The following PDGFRL variants were observed in gnomAD, a reference collection of about 807,000 sequenced individuals.
PDGFRL encodes platelet derived growth factor receptor like.
In PDGFRL, 46 loss-of-function variants were observed where a neutral mutation model predicts 37.2. The ratio of observed to expected loss-of-function variants is 1.24; its 90% CI spans 0.98 to 1.58. The LOEUF is 1.58. Ranked by LOEUF, PDGFRL falls within the 40% of genes most tolerant of loss-of-function variation. The pLI is 0.00. For missense variants in PDGFRL, 692 were observed against 467.6 expected (o/e 1.48, Z -4.43); for synonymous variants, 251 against 184.3 (o/e 1.36, Z -2.93).
At chr8:17,616,112 G>A (rs993310618) in intron 2 of PDGFRL, among the ~76,000 whole-genome samples, 2 of 152,080 alleles carry the variant, frequency 1.3e-5, no homozygotes, top group African/African-American at 2.4e-5. Flanking sequence ...TGGTGGAGCT[G>A]GGATTTGAAT....
chr8:17,601,052 C>G (rs1174397129), intron 2 of PDGFRL, among the ~76,000 whole-genome samples: 1 of 152,166 alleles, frequency 6.6e-6, no homozygotes, highest in African/African-American at 2.4e-5. Flanking sequence ...TCCTTCAGTT[C>G]AGAGAATGGC....
At chr8:17,607,569 A>T (rs1804309554) in intron 2 of PDGFRL, among the ~76,000 whole-genome samples, 1 of 152,252 alleles carries the variant, frequency 6.6e-6, no homozygotes, top group African/African-American at 2.4e-5. Context: ...CACTGTAGGA[A>T]TATCACCAAC....
intron 2 of PDGFRL, among the ~76,000 whole-genome samples, chr8:17,603,045 C>T (rs1210392219): frequency 1.3e-5 from 2 of 152,158 alleles, no homozygotes; most frequent in African/African-American, 2.4e-5. Flanking sequence ...TGCAGTGGCA[C>T]GATCTCAGCT....
chr8:17,632,322 C>A (rs1027179583), intron 4 of PDGFRL, among the ~76,000 whole-genome samples: 11 of 151,774 alleles, frequency 7.2e-5, no homozygotes, highest in Admixed American at 4.6e-4. Context: ...TTTCTCCACT[C>A]CATTTTCCAC....
chr8:17,593,531 A>C (rs140204032), intron 2 of PDGFRL, among the ~76,000 whole-genome samples: 1 of 151,958 alleles, frequency 6.6e-6, no homozygotes, highest in Non-Finnish European at 1.5e-5. Flanking sequence ...CCAGGAAGTC[A>C]ACGCTGCAGT....
chr8:17,592,514 C>G (rs1343455358), intron 2 of PDGFRL, among the ~76,000 whole-genome samples: 1 of 152,178 alleles, frequency 6.6e-6, no homozygotes, highest in Non-Finnish European at 1.5e-5. Flanking sequence ...CAGTGAAGCC[C>G]TCGCTGACCT....
rs1015763053 is a variant in PDGFRL, at chr8:17,643,116, A to G, written c.*315A>G. 4 of 257,544 alleles carry G rather than the reference A, an allele frequency of 1.6e-5. No homozygotes were observed. Among genetic ancestry groups the G allele is most frequent in the African/African-American group, 9.0e-5 (4 of 44,436 alleles). The allele number at this position is 257,544 out of a possible 1,614,324, so 16.0% of individuals were successfully genotyped here. On this transcript the variant is annotated 3_prime_UTR_variant, in exon 6 of 6. Coordinates refer to ENST00000251630, the MANE Select transcript of PDGFRL (RefSeq NM_001372073.1). ...AATGAGCACGTTTTTGTAAAAAATAAAAAGTGGGATAAGTGTTTTTTAAGT... is the reference window on the plus strand; with the variant it reads ...AATGAGCACGTTTTTGTAAAAAATAGAAAGTGGGATAAGTGTTTTTTAAGT...
chr8:17,603,598 T>C (rs1271827780), intron 2 of PDGFRL, among the ~76,000 whole-genome samples: 1 of 152,170 alleles, frequency 6.6e-6, no homozygotes, highest in Non-Finnish European at 1.5e-5. Context: ...AACACTCTGT[T>C]TCTTGACTCC....
Position 17,577,440 on chromosome 8 carries a change from T to TGCCCGGTGCACCTGCCC in PDGFRL, c.55+134_55+150dup, listed in dbSNP as rs1803610639. On this transcript the variant is annotated intron_variant, in intron 1 of 5. Transcript: ENST00000251630. ...GTGGCTCAGCCCCCGCGCCACTGCC[T>TGCCCGGTGCACCTGCCC]GCCCGGTGCACCTGCCCCCTCCTGG... 7 of 748,092 alleles carry TGCCCGGTGCACCTGCCC rather than the reference T, an allele frequency of 9.4e-6. No individual in the cohort carries two copies. In the South Asian group the frequency reaches 1.1e-4, roughly 11 times the overall value. 46.3% of individuals were successfully genotyped at this position (748,092 alleles called of 1,614,324 possible).
intron 2 of PDGFRL, among the ~76,000 whole-genome samples, chr8:17,608,465 G>A (rs2129699968): frequency 6.6e-6 from 1 of 152,260 alleles, no homozygotes; most frequent in African/African-American, 2.4e-5. Context: ...CTCGTGCATT[G>A]GCACAATATA....
chr8:17,578,317 A>G (rs1803631850), intron 1 of PDGFRL, among the ~76,000 whole-genome samples: 1 of 152,172 alleles, frequency 6.6e-6, no homozygotes, highest in African/African-American at 2.4e-5. Flanking sequence ...CCACTCGTTC[A>G]TCCTGACCAG....
intron 3 of PDGFRL, among the ~76,000 whole-genome samples, chr8:17,627,322 C>G (rs754383080): frequency 1.3e-5 from 2 of 152,128 alleles, no homozygotes; most frequent in African/African-American, 2.4e-5. Flanking sequence ...TTGTGGAAAT[C>G]TAAAATCCAA....
At chr8:17,588,158 A>G (rs1803856521) in intron 1 of PDGFRL, among the ~76,000 whole-genome samples, 1 of 147,364 alleles carries the variant, frequency 6.8e-6, no homozygotes, top group East Asian at 2.0e-4. Context: ...ACTCTCAACA[A>G]TGTTGGTGAT....
rs966589949 is a variant in PDGFRL, at chr8:17,634,182, T to G, written c.908T>G (p.Val303Gly). The G allele has an allele frequency of 1.2e-6, 2 of 1,613,314 alleles. No homozygotes were observed. Among genetic ancestry groups the G allele is most frequent in the East Asian group, 4.5e-5 (2 of 44,856 alleles). ...CTVLGEPDVE[V>G]EFTWIFPGQK... Reference sequence around the variant, plus strand: ...GTCCTGGGGGAGCCCGATGTGGAGGTGGAGTTCACCTGGATCTTCCCAGGG... The same window carrying G: ...GTCCTGGGGGAGCCCGATGTGGAGGGGGAGTTCACCTGGATCTTCCCAGGG... The change falls in exon 5 of 6, where the codon GTG becomes GGG. Residue 303 changes from valine (V) to glycine (G), a missense_variant. Transcript: ENST00000251630.
chr8:17,608,303 C>G (rs975520702), intron 2 of PDGFRL, among the ~76,000 whole-genome samples: 6 of 152,162 alleles, frequency 3.9e-5, no homozygotes, highest in Admixed American at 3.9e-4. Context: ...CAGAAAGCAC[C>G]AGCTCACCCT....
Position 17,628,574 on chromosome 8 carries a change from T to G in PDGFRL, c.593T>G (p.Val198Gly), listed in dbSNP as rs1585330737. The G allele has an allele frequency of 1.2e-6, 2 of 1,614,138 alleles. No homozygotes were observed. Among genetic ancestry groups the G allele is most frequent in the Non-Finnish European group, 1.7e-6 (2 of 1,179,972 alleles). ...AGACAGGCTGTGGTTCCTTGTCGGG[T>G]GACCGTGCTGTCGGCCAAAGTCACG... The part of the protein sequence containing the change: ...PDRQAVVPCR[V>G]TVLSAKVTLH... The change falls in exon 4 of 6, where the codon GTG becomes GGG. Residue 198 changes from valine (V) to glycine (G), a missense_variant. Val to Gly is a moderately radical substitution (Grantham distance 109, BLOSUM62 -3). Coordinates refer to ENST00000251630, the MANE Select transcript of PDGFRL (RefSeq NM_001372073.1).
intron 2 of PDGFRL, among the ~76,000 whole-genome samples, chr8:17,593,717 A>G (rs1413706107): frequency 5.3e-5 from 8 of 152,062 alleles, no homozygotes; most frequent in African/African-American, 1.9e-4. Flanking sequence ...CAACACAGCG[A>G]AACCCCGTCT....
intron 2 of PDGFRL, among the ~76,000 whole-genome samples, chr8:17,606,313 A>G (rs1198925145): frequency 6.6e-6 from 1 of 152,140 alleles, no homozygotes; most frequent in African/African-American, 2.4e-5. Flanking sequence ...TTTGTATGCG[A>G]ACTCACTTTC....
At chr8:17,576,760 A>G (rs73198114), upstream of PDGFRL, 115,592 of 887,308 alleles carry the variant, frequency 0.13, 8,264 homozygotes, top group Non-Finnish European at 0.14. Flanking sequence ...CGGTCCTGTG[A>G]GTGAGTGCAT....
Sources: gnomAD v4.1 joint callset for allele counts (sites outside exome capture counted in the v4.1 genomes callset) on GRCh38, gnomAD v4.1.1 for gene constraint, MANE v1.5 for transcripts, NCBI Gene and HGNC (gene_info 2026-07-23, HGNC 2026-07-21) for gene names.